Variants in ENPP2 observed in about 807,000 individuals in gnomAD.
ENPP2 encodes ectonucleotide pyrophosphatase/phosphodiesterase 2, also known as autotaxin.
In ENPP2, 51 loss-of-function variants were observed where a neutral mutation model predicts 120.2. That is an observed-to-expected ratio of 0.42 (90% CI 0.34 to 0.54). ENPP2 has a LOEUF of 0.54. Among genes scored for constraint, ENPP2 ranks in the 20% least tolerant of loss-of-function variants. The pLI is 0.04. For synonymous variants in ENPP2, 365 were observed against 366.4 expected, an observed-to-expected ratio of 1.00 and a Z score of 0.04; for missense variants, 920 against 1,066.5, an observed-to-expected ratio of 0.86 and a Z score of 1.91.
At chr8:119,575,356 C>T (rs890324507) in intron 19 of ENPP2, among the ~76,000 whole-genome samples, 5 of 151,744 alleles carry the variant, frequency 3.3e-5, no homozygotes, top group Non-Finnish European at 7.4e-5. Flanking sequence ...AACTACTTCC[C>T]GGCAGGAACT....
chr8:119,617,934 A>T (rs987276505), intron 5 of ENPP2, among the ~76,000 whole-genome samples: 56 of 152,294 alleles, frequency 3.7e-4, no homozygotes, highest in African/African-American at 1.3e-3. Context: ...GGGCGACAAG[A>T]GTGAAACTCC....
At chr8:119,576,026 A>G (rs1364466832) in intron 19 of ENPP2, among the ~76,000 whole-genome samples, 2 of 152,358 alleles carry the variant, frequency 1.3e-5, no homozygotes, top group East Asian at 3.9e-4. Flanking sequence ...CCAAAGAAAT[A>G]ACACAAATGA....
intron 24 of ENPP2, among the ~76,000 whole-genome samples, chr8:119,558,914 G>A (rs984802553): frequency 1.3e-5 from 2 of 152,088 alleles, no homozygotes; most frequent in East Asian, 1.9e-4. Flanking sequence ...GGGCTTTCTC[G>A]GAAAGCTCCA....
chr8:119,630,893 T>A (rs1314966764), intron 2 of ENPP2, among the ~76,000 whole-genome samples: 1 of 151,984 alleles, frequency 6.6e-6, no homozygotes, highest in East Asian at 1.9e-4. Flanking sequence ...TCTTTTTTTT[T>A]TTCTTTTTTT....
chr8:119,628,902 G>GAGAA (rs1587527067), intron 2 of ENPP2, among the ~76,000 whole-genome samples: 2 of 152,278 alleles, frequency 1.3e-5, no homozygotes, highest in South Asian at 4.2e-4. Flanking sequence ...TAGGGAAAAT[G>GAGAA]AGAAAGAAAG....
At chr8:119,587,719 T>C (rs1813211925) in intron 13 of ENPP2, among the ~76,000 whole-genome samples, 1 of 152,240 alleles carries the variant, frequency 6.6e-6, no homozygotes, top group African/African-American at 2.4e-5. Context: ...AAATGATGGC[T>C]GTGCATAAAC....
At chr8:119,589,585 CAG>C (rs1237260852) in intron 13 of ENPP2, among the ~76,000 whole-genome samples, 1 of 152,116 alleles carries the variant, frequency 6.6e-6, no homozygotes, top group Non-Finnish European at 1.5e-5. Flanking sequence ...AGGGAGGACA[CAG>C]GGACAGGAAA....
At chr8:119,625,953 C>A (rs1448995200) in intron 3 of ENPP2, among the ~76,000 whole-genome samples, 1 of 152,134 alleles carries the variant, frequency 6.6e-6, no homozygotes, top group Non-Finnish European at 1.5e-5. Context: ...AACAATTTTC[C>A]ATTTGCAGAC....
chr8:119,581,981 T>C (rs1256421727), intron 18 of ENPP2, among the ~76,000 whole-genome samples: 1 of 151,960 alleles, frequency 6.6e-6, no homozygotes, highest in Non-Finnish European at 1.5e-5. Flanking sequence ...CATCCACCCA[T>C]CTCAGCCTCC....
intron 17 of ENPP2, 123 bp downstream of exon 17, chr8:119,583,594 T>C: frequency 1.6e-6 from 1 of 616,312 alleles, no homozygotes; most frequent in East Asian, 2.7e-5. Flanking sequence ...AGTTACAACC[T>C]TTTGTGGGGA....
chr8:119,557,594 C>T lies in ENPP2; in HGVS notation c.2519G>A (p.Arg840Gln), dbSNP rs771443401. The T allele has an allele frequency of 1.1e-5, 17 of 1,612,688 alleles. No homozygotes were observed. The highest frequency in any genetic ancestry group is 2.2e-5 in the East Asian group (1 of 44,874). ...IEHLTSLDFF[R>Q]KTSRSYPEIL... ...TTCTGGGTAGCTGCGGCTGGTCTTTCGGAAGAAGTCCAGGCTGGTGAGATG... is the reference window on the plus strand; with the variant it reads ...TTCTGGGTAGCTGCGGCTGGTCTTTTGGAAGAAGTCCAGGCTGGTGAGATG... The change falls in exon 25 of 25, where the codon CGA (arginine) becomes CAA (glutamine). Residue 840 changes from arginine to glutamine, a missense_variant. Physicochemically the swap from Arg to Gln is conservative, Grantham distance 43. Transcript: ENST00000075322.
At chr8:119,635,334 T>C (rs1816936087) in intron 2 of ENPP2, among the ~76,000 whole-genome samples, 1 of 152,264 alleles carries the variant, frequency 6.6e-6, no homozygotes, top group Non-Finnish European at 1.5e-5. Flanking sequence ...CTTTTAAGTC[T>C]CTGTTAGCCA....
At position 119,593,879 on chromosome 8, in the gene ENPP2, T is replaced by C; in HGVS notation, c.973-19A>G. The C allele has an allele frequency of 7.3e-7, 1 of 1,364,930 alleles. No homozygotes were observed. Among genetic ancestry groups the C allele is most frequent in the Non-Finnish European group, 1.0e-6 (1 of 952,500 alleles). The allele number at this position is 1,364,930 out of a possible 1,614,324, so 84.6% of individuals were successfully genotyped here. On this transcript the variant is annotated intron_variant, in intron 11 of 24. Transcript: ENST00000075322. ...TTGTCATCTAGGAAAAAGAAGCAAG[T>C]TAGTCCCCACAGGGTTTTCTTTCTT...
chr8:119,635,060 C>T (rs1297768235), intron 2 of ENPP2, among the ~76,000 whole-genome samples: 3 of 152,194 alleles, frequency 2.0e-5, no homozygotes, highest in African/African-American at 2.4e-5. Context: ...GGCTGATCTA[C>T]GTCCCCTTTA....
At chr8:119,580,075 C>CGAAAAG in intron 19 of ENPP2, 41 bp downstream of exon 19, 1 of 1,482,190 alleles carries the variant, frequency 6.7e-7, no homozygotes, top group Non-Finnish European at 9.4e-7. Flanking sequence ...TTTTCGAAAA[C>CGAAAAG]GAGAAAAACC....
chr8:119,607,371 C>G (rs1814791054), intron 9 of ENPP2, among the ~76,000 whole-genome samples: 1 of 152,088 alleles, frequency 6.6e-6, no homozygotes, highest in Non-Finnish European at 1.5e-5. Flanking sequence ...GAGAGACCAT[C>G]TTACATTCTG....
At chr8:119,625,848 T>A (rs925537969) in intron 3 of ENPP2, among the ~76,000 whole-genome samples, 2 of 152,174 alleles carry the variant, frequency 1.3e-5, no homozygotes, top group Non-Finnish European at 2.9e-5. Flanking sequence ...TCCTAGTAAC[T>A]GTTCCAGCAC....
chr8:119,602,622 C>T (rs1814396776), intron 9 of ENPP2, among the ~76,000 whole-genome samples: 2 of 152,168 alleles, frequency 1.3e-5, no homozygotes, highest in Admixed American at 6.5e-5. Flanking sequence ...TCACAGCTAA[C>T]ATGACAGTAT....
intron 19 of ENPP2, chr8:119,572,522 C>G (rs779803898): frequency 5.0e-6 from 2 of 402,664 alleles, no homozygotes; most frequent in South Asian, 4.3e-5. Flanking sequence ...ACGTAACACT[C>G]TATTCCACAA....
Sources: gnomAD v4.1 joint callset for allele counts (sites outside exome capture counted in the v4.1 genomes callset) on GRCh38, gnomAD v4.1.1 for gene constraint, MANE v1.5 for transcripts, NCBI Gene and HGNC (gene_info 2026-07-23, HGNC 2026-07-21) for gene names.